The following FRMD4A variants were observed in gnomAD, a reference collection of about 807,000 sequenced individuals.
The protein encoded by FRMD4A is FERM domain containing 4A.
FRMD4A carries 29 observed loss-of-function variants against 129.1 expected under a neutral mutation model. That is an observed-to-expected ratio of 0.22 (90% CI 0.17 to 0.31). The LOEUF (loss-of-function observed/expected upper bound fraction) is 0.31, where lower values mean the gene tolerates loss of function less well. Among genes scored for constraint, FRMD4A ranks in the 10% least tolerant of loss-of-function variants. The pLI, the probability that FRMD4A is intolerant of heterozygous loss-of-function variation, is 1.00. For missense variants in FRMD4A, 1,272 were observed against 1,375.8 expected (o/e 0.92, Z 1.19); for synonymous variants, 634 against 571.6 (o/e 1.11, Z -1.56).
chr10:13,999,656 A>C (rs777572972), intron 2 of FRMD4A, among the ~76,000 whole-genome samples: 7 of 152,248 alleles, frequency 4.6e-5, no homozygotes, highest in Admixed American at 1.3e-4. Context: ...TAGGAAAATG[A>C]TCAGAAGGAT....
intron 2 of FRMD4A, among the ~76,000 whole-genome samples, chr10:14,329,573 C>T (rs138579284): frequency 1.8e-4 from 28 of 152,292 alleles, no homozygotes; most frequent in African/African-American, 6.5e-4. Flanking sequence ...ATCACTGAAG[C>T]CACAGTGAAC....
At chr10:14,000,646 C>CAAAAAAAAAAAAAAAAAA (rs11377448) in intron 2 of FRMD4A, among the ~76,000 whole-genome samples, 10 of 43,470 alleles carry the variant, frequency 2.3e-4, no homozygotes, top group African/African-American at 7.5e-4. Flanking sequence ...GACGCCACCT[C>CAAAAAAAAAAAAAAAAAA]AAAAAAAAAA....
chr10:14,034,208 C>T (rs1037967128), intron 2 of FRMD4A, among the ~76,000 whole-genome samples: 5 of 152,274 alleles, frequency 3.3e-5, no homozygotes, highest in South Asian at 2.1e-4. Flanking sequence ...GTTCATTAAG[C>T]GCATTTGTTG....
At chr10:13,693,469 C>T (rs546772932) in intron 15 of FRMD4A, 69 of 1,120,444 alleles carry the variant, frequency 6.2e-5, no homozygotes, top group African/African-American at 3.4e-4. Context: ...TTTTAAAAGC[C>T]GGAGAAACCC....
At chr10:13,967,059 C>G (rs927802303) in intron 2 of FRMD4A, among the ~76,000 whole-genome samples, 1 of 152,200 alleles carries the variant, frequency 6.6e-6, no homozygotes, top group Admixed American at 6.5e-5. Flanking sequence ...CACAACGGGC[C>G]GGGCGCGGTG....
chr10:14,234,978 T>C (rs970654037), intron 2 of FRMD4A, among the ~76,000 whole-genome samples: 1 of 152,170 alleles, frequency 6.6e-6, no homozygotes, highest in African/African-American at 2.4e-5. Flanking sequence ...AACTGTACTT[T>C]TGTAGTGCTC....
chr10:13,966,091 C>A (rs2095483604), intron 2 of FRMD4A, among the ~76,000 whole-genome samples: 1 of 152,166 alleles, frequency 6.6e-6, no homozygotes, highest in East Asian at 1.9e-4. Context: ...CTCACTGCGA[C>A]CTCTCGAACT....
intron 2 of FRMD4A, among the ~76,000 whole-genome samples, chr10:14,285,861 G>A (rs540789191): frequency 3.9e-5 from 6 of 152,264 alleles, no homozygotes; most frequent in African/African-American, 7.2e-5. Flanking sequence ...TTGTCTCAAC[G>A]TCCAGTAAAC....
chr10:14,251,051 T>C (rs1006477007), intron 2 of FRMD4A, among the ~76,000 whole-genome samples: 1 of 151,826 alleles, frequency 6.6e-6, no homozygotes, highest in Non-Finnish European at 1.5e-5. Context: ...GCCAAAAATA[T>C]GCTCCCAGCC....
chr10:14,168,689 T>C lies in FRMD4A; in HGVS notation c.45+161369A>G, dbSNP rs1184684678. 2.6e-5 allele frequency among the ~76,000 whole-genome samples: 4 copies of C among 152,232 alleles called. No individual in the cohort carries two copies. In the East Asian group the frequency reaches 7.7e-4, roughly 29 times the overall value. ...TTTGTTTACACATTCATACTAGTAATAGCTAACATTTATTATGACGTGCCA... is the reference window on the plus strand; with the variant it reads ...TTTGTTTACACATTCATACTAGTAACAGCTAACATTTATTATGACGTGCCA... On this transcript the variant is annotated intron_variant, in intron 2 of 24. Transcript: ENST00000357447.
In FRMD4A at chr10:13,919,407, G is replaced by T. The variant is rs190575009; in HGVS notation, c.46-60495C>A. Among the ~76,000 whole-genome samples, 177 of 152,124 alleles carry T rather than the reference G, an allele frequency of 1.2e-3. 1 individual carries two copies. Among genetic ancestry groups the T allele is most frequent in the Non-Finnish European group, 2.0e-3 (133 of 68,008 alleles). On this transcript the variant is annotated intron_variant, in intron 2 of 24. Transcript: ENST00000357447. ...ACAGTGTGAATAATTTGGCAGGGCGGGTCCAAGAGAGAAAGAAAACTTAGA... is the reference window on the plus strand; with the variant it reads ...ACAGTGTGAATAATTTGGCAGGGCGTGTCCAAGAGAGAAAGAAAACTTAGA...
At chr10:13,717,148 G>C (rs2088890290) in intron 12 of FRMD4A, among the ~76,000 whole-genome samples, 1 of 152,140 alleles carries the variant, frequency 6.6e-6, no homozygotes, top group Non-Finnish European at 1.5e-5. Flanking sequence ...TTGAAAAAAA[G>C]CCAAGGCTAA....
intron 16 of FRMD4A, among the ~76,000 whole-genome samples, chr10:13,671,962 T>C (rs2083542727): frequency 6.6e-6 from 1 of 152,256 alleles, no homozygotes; most frequent in Non-Finnish European, 1.5e-5. Flanking sequence ...AGAAAGCTTT[T>C]GCGCAGGGCA....
At position 13,795,696 on chromosome 10, in the gene FRMD4A, C is replaced by CCTGGTGCCT. The variant is rs1564816266; in HGVS notation, c.299+799_299+800insAGGCACCAG. 1.8e-4 allele frequency among the ~76,000 whole-genome samples: 28 copies of CCTGGTGCCT among 152,276 alleles called. No homozygotes were observed. The South Asian group carries it at 3.5e-3, about 19-fold the overall frequency. On this transcript the variant is annotated intron_variant, in intron 5 of 24. Transcript: ENST00000357447. ...ATTGTGTTGCAATCAAGGTTCTGGA[C>CCTGGTGCCT]AGAAAGAACCTGGTGCCTCCATAGA...
intron 2 of FRMD4A, among the ~76,000 whole-genome samples, chr10:14,154,290 C>A (rs1318843303): frequency 6.6e-6 from 1 of 152,084 alleles, no homozygotes; most frequent in Non-Finnish European, 1.5e-5. Context: ...GAATTACCCC[C>A]TTGTAATCAA....
At position 14,002,913 on chromosome 10, in the gene FRMD4A, C is replaced by G. The variant is rs531960299; in HGVS notation, c.46-144001G>C. Among the ~76,000 whole-genome samples the G allele has an allele frequency of 3.9e-5, 6 of 152,236 alleles. No homozygotes were observed. The East Asian group carries it at 7.7e-4, about 20-fold the overall frequency. On this transcript the variant is annotated intron_variant, in intron 2 of 24. Coordinates refer to ENST00000357447, the MANE Select transcript of FRMD4A (RefSeq NM_018027.5). Reference sequence around the variant, plus strand: ...GAGCAAGCTCCGTAGTTTGGAGGAACAGCAAACATGTCCACGCATGGTTGG... The same window carrying G: ...GAGCAAGCTCCGTAGTTTGGAGGAAGAGCAAACATGTCCACGCATGGTTGG...
At chr10:14,313,294 T>C (rs1319475236) in intron 2 of FRMD4A, among the ~76,000 whole-genome samples, 2 of 152,164 alleles carry the variant, frequency 1.3e-5, no homozygotes, top group South Asian at 2.1e-4. Context: ...CCCCAGGATG[T>C]TGAGGCTGCA....
At chr10:14,038,765 A>T (rs866438131) in intron 2 of FRMD4A, among the ~76,000 whole-genome samples, 7 of 152,210 alleles carry the variant, frequency 4.6e-5, no homozygotes, top group Admixed American at 3.9e-4. Context: ...TTCCCCGGTG[A>T]CTTTAGTGAG....
chr10:14,051,085 C>T (rs1287498458), intron 2 of FRMD4A, among the ~76,000 whole-genome samples: 1 of 152,190 alleles, frequency 6.6e-6, no homozygotes, highest in Non-Finnish European at 1.5e-5. Flanking sequence ...GTCAGGATTG[C>T]AAAGGCATTG....
Sources: allele counts gnomAD v4.1 joint callset (sites outside exome capture counted in the v4.1 genomes callset), GRCh38; gene constraint gnomAD v4.1.1; transcripts MANE v1.5; gene names NCBI Gene and HGNC (gene_info 2026-07-23, HGNC 2026-07-21).